Variants in DLGAP5 observed in about 807,000 individuals in gnomAD.
DLGAP5 encodes DLG associated protein 5, also known as disks large-associated protein 5.
Under a neutral mutation model 99.6 loss-of-function variants are expected in DLGAP5, and 90 were observed. The observed-to-expected ratio is 0.90, with a 90% CI of 0.76 to 1.08. The LOEUF is 1.08. DLGAP5 is among the 50% of genes least tolerant of loss of function. The probability of loss-of-function intolerance (pLI) is 0.00; values close to 1 mark genes in which losing one functional copy is unlikely to be tolerated. For missense variants in DLGAP5, 1,036 were observed against 983.5 expected (o/e 1.05, Z -0.71); for synonymous variants, 311 against 321.3 (o/e 0.97, Z 0.34).
At position 55,158,568 on chromosome 14, in the gene DLGAP5, G is replaced by A. The variant is rs139031197; in HGVS notation, c.1827C>T (p.Phe609=). ...TTTCAACTCTGAAAAATCCAGCATC[G>A]AACACTATTTTATCAACTTCCTTTG... ...VIPKEVDKIV[F]DAGFFRVESP... Residue 609 remains phenylalanine, a synonymous_variant, in exon 14 of 19, where the codon TTC becomes TTT. Transcript: ENST00000247191. 65 of 1,613,892 alleles carry A rather than the reference G, an allele frequency of 4.0e-5. No individual in the cohort carries two copies. Among genetic ancestry groups the A allele is most frequent in the East Asian group, 2.2e-4 (10 of 44,860 alleles).
At chr14:55,166,267 T>A (rs1188869805) in intron 12 of DLGAP5, among the ~76,000 whole-genome samples, 1 of 152,114 alleles carries the variant, frequency 6.6e-6, no homozygotes, top group Non-Finnish European at 1.5e-5. Flanking sequence ...AGATGCTAAG[T>A]GAAAGAAGCC....
At chr14:55,169,871 A>G (rs1882793675) in intron 11 of DLGAP5, among the ~76,000 whole-genome samples, 1 of 135,212 alleles carries the variant, frequency 7.4e-6, no homozygotes, top group South Asian at 2.5e-4. Context: ...GCGGTGGCTC[A>G]TGCCTACAAT....
At position 55,148,581 on chromosome 14, in the gene DLGAP5, C is replaced by A. The variant is rs146463175; in HGVS notation, c.2419-108G>T. ...ATTAATAACAAAAATAAACCGGGTG[C>A]GGTGGTGCACACCTGTAGTCCCAGC... On this transcript the variant is annotated intron_variant, in intron 18 of 18. Coordinates refer to ENST00000247191, the MANE Select transcript of DLGAP5 (RefSeq NM_014750.5). 1.9e-6 allele frequency: 3 copies of A among 1,564,592 alleles called. No homozygotes were observed. The African/African-American group carries it at 4.1e-5, about 21-fold the overall frequency.
At chr14:55,169,175 C>CAAAAA (rs34906311) in intron 12 of DLGAP5, among the ~76,000 whole-genome samples, 1 of 63,904 alleles carries the variant, frequency 1.6e-5, no homozygotes, top group African/African-American at 5.4e-5. Context: ...GACTCCGTCT[C>CAAAAA]AAAAAAAAAA....
At chr14:55,185,524 T>C (rs894551606) in intron 2 of DLGAP5, among the ~76,000 whole-genome samples, 9 of 151,926 alleles carry the variant, frequency 5.9e-5, no homozygotes, top group African/African-American at 2.2e-4. Context: ...TCTCACTCTG[T>C]CGCCCAGGTT....
At position 55,169,485 on chromosome 14, in the gene DLGAP5, G is replaced by A; in HGVS notation, c.1462C>T (p.Leu488=). 1 of 1,613,082 alleles carries A rather than the reference G, an allele frequency of 6.2e-7. No individual in the cohort carries two copies. The highest frequency in any genetic ancestry group is 8.5e-7 in the Non-Finnish European group (1 of 1,179,664). Residue 488 remains leucine, a synonymous_variant, in exon 12 of 19, where the codon CTG becomes TTG. Transcript: ENST00000247191. ...CGTTTATATTCACAATCATCAACCAGTCCTTCAAACTGTTTAAACCTTTCC... is the reference window on the plus strand; with the variant it reads ...CGTTTATATTCACAATCATCAACCAATCCTTCAAACTGTTTAAACCTTTCC... ...MKERFKQFEG[L]VDDCEYKRGI... is the part of the protein sequence containing the mutation.
Position 55,163,033 on chromosome 14 carries a change from C to T in DLGAP5, c.1591G>A (p.Glu531Lys). Residue 531 changes from glutamate to lysine, a missense_variant, in exon 13 of 19, where the codon GAG (glutamate) becomes AAG (lysine). By Grantham distance (56) the Glu-to-Lys change is moderately conservative. Coordinates refer to ENST00000247191, the MANE Select transcript of DLGAP5 (RefSeq NM_014750.5). ...TTATTGACTTGCCACCCAGATTCCT[C>T]AAGTTTGATCAGATTGTTGAATTTG... ...IHKFNNLIKL[E>K]ESGWQVNNNM... 1.2e-6 allele frequency: 2 copies of T among 1,600,456 alleles called. No individual in the cohort carries two copies. Among genetic ancestry groups the T allele is most frequent in the Non-Finnish European group, 1.7e-6 (2 of 1,173,648 alleles).
intron 14 of DLGAP5, among the ~76,000 whole-genome samples, chr14:55,157,869 C>T (rs1882267759): frequency 6.6e-6 from 1 of 152,186 alleles, no homozygotes; most frequent in African/African-American, 2.4e-5. Flanking sequence ...CTCAAGTGAT[C>T]CTCCTGCCCC....
intron 3 of DLGAP5, 120 bp downstream of exon 3, chr14:55,183,440 T>C (rs898300800): frequency 3.6e-5 from 29 of 806,234 alleles, no homozygotes; most frequent in Non-Finnish European, 5.2e-5. Context: ...TATTATGTCA[T>C]TCCCACCTTC....
Position 55,169,445 on chromosome 14 carries a change from G to A in DLGAP5, c.1502C>T (p.Thr501Ile), listed in dbSNP as rs767581352. ...AAATCCATCCAGATCTGTACAGGTA[G>A]TCTCCTTTATACCTCGTTTATATTC... is the stretch of plus-strand genomic sequence containing the variant. ...DCEYKRGIKE[T>I]TCTDLDGFWD... The change falls in exon 12 of 19, where the codon ACT becomes ATT. Residue 501 changes from threonine (T) to isoleucine (I), a missense_variant. By Grantham distance (89) the Thr-to-Ile change is moderately conservative. Coordinates refer to ENST00000247191, the MANE Select transcript of DLGAP5 (RefSeq NM_014750.5). The A allele has an allele frequency of 1.2e-6, 2 of 1,609,284 alleles. No homozygotes were observed. The highest frequency in any genetic ancestry group is 2.2e-5 in the South Asian group (2 of 90,204).
intron 9 of DLGAP5, 80 bp downstream of exon 9, chr14:55,175,814 G>T: frequency 8.2e-7 from 1 of 1,220,742 alleles, no homozygotes; most frequent in Non-Finnish European, 1.1e-6. Flanking sequence ...AAGTAAAAAT[G>T]TAATTACTAT....
rs748870604 is a variant in DLGAP5, at chr14:55,180,782, T to TG, written c.581-5dup. 26 of 1,611,404 alleles carry TG rather than the reference T, an allele frequency of 1.6e-5. No individual in the cohort carries two copies. Among genetic ancestry groups the TG allele is most frequent in the South Asian group, 2.2e-5 (2 of 90,930 alleles). On this transcript the variant is annotated splice_region_variant and splice_polypyrimidine_tract_variant and intron_variant, in intron 5 of 18. Coordinates refer to ENST00000247191, the MANE Select transcript of DLGAP5 (RefSeq NM_014750.5). ...GTGGGCATTACAGGCTGCACAACTG[T>TG]GGGAAAAAAAAATAACTACATCAAA...
chr14:55,154,162 A>G (rs1221484631), intron 15 of DLGAP5, among the ~76,000 whole-genome samples: 1 of 152,170 alleles, frequency 6.6e-6, no homozygotes, highest in African/African-American at 2.4e-5. Flanking sequence ...CAAGAAAACA[A>G]TCTCAAGGTA....
At chr14:55,160,909 G>C (rs112838955) in intron 13 of DLGAP5, among the ~76,000 whole-genome samples, 2,995 of 152,246 alleles carry the variant, frequency 0.02, 77 homozygotes, top group African/African-American at 0.068. Flanking sequence ...TAGGATGCTT[G>C]TCAGTGACTG....
intron 12 of DLGAP5, among the ~76,000 whole-genome samples, chr14:55,167,868 T>C (rs1200489922): frequency 1.3e-5 from 2 of 152,330 alleles, no homozygotes; most frequent in East Asian, 3.9e-4. Flanking sequence ...TTTCCCTGGA[T>C]GCTTTAGCCT....
At chr14:55,187,168 T>TG (rs974575759) in intron 2 of DLGAP5, among the ~76,000 whole-genome samples, 1 of 152,106 alleles carries the variant, frequency 6.6e-6, no homozygotes, top group Non-Finnish European at 1.5e-5. Flanking sequence ...CCTGGGGTAC[T>TG]GGGATTATAG....
In DLGAP5 at chr14:55,168,356, C is replaced by T. The variant is rs541060860; in HGVS notation, c.1548+1043G>A. 2.0e-3 allele frequency among the ~76,000 whole-genome samples: 298 copies of T among 152,274 alleles called. 2 individuals carry two copies. The highest frequency in any genetic ancestry group is 6.8e-3 in the African/African-American group (284 of 41,552). On this transcript the variant is annotated intron_variant, in intron 12 of 18. Transcript: ENST00000247191. ...TATTCTCTGAATGTTCTTTTTCTAA[C>T]AGGTATTTTTACTTGACAGATGAAA...
At chr14:55,153,369 G>A (rs367645334) in intron 15 of DLGAP5, among the ~76,000 whole-genome samples, 1 of 151,836 alleles carries the variant, frequency 6.6e-6, no homozygotes, top group South Asian at 2.1e-4. Flanking sequence ...GTGAAACCCC[G>A]TCTCTACTAA....
chr14:55,165,884 T>C (rs575139455), intron 12 of DLGAP5, among the ~76,000 whole-genome samples: 326 of 152,274 alleles, frequency 2.1e-3, no homozygotes, highest in Non-Finnish European at 3.5e-3. Flanking sequence ...AAGGGGGGGC[T>C]ACTATAATAA....
Sources: gnomAD v4.1 joint callset for allele counts (sites outside exome capture counted in the v4.1 genomes callset) on GRCh38, gnomAD v4.1.1 for gene constraint, MANE v1.5 for transcripts, NCBI Gene and HGNC (gene_info 2026-07-23, HGNC 2026-07-21) for gene names.